The following KCNH6 variants were observed in gnomAD, a reference collection of about 807,000 sequenced individuals.
The protein encoded by KCNH6 is potassium voltage-gated channel subfamily H member 6.
In KCNH6, 81 loss-of-function variants were observed where a neutral mutation model predicts 83.4. The observed-to-expected ratio is 0.97, with a 90% CI of 0.81 to 1.17. The LOEUF (loss-of-function observed/expected upper bound fraction) is 1.17, where lower values mean the gene tolerates loss of function less well. Ranked by LOEUF, KCNH6 falls within the 50% of genes most tolerant of loss-of-function variation. KCNH6 has a pLI of 0.00. For synonymous variants in KCNH6, 503 were observed against 545.6 expected (o/e 0.92, Z 1.09); for missense variants, 1,203 against 1,290.5 (o/e 0.93, Z 1.04).
chr17:63,528,279 G>C (rs1445923439), intron 2 of KCNH6, among the ~76,000 whole-genome samples: 1 of 152,180 alleles, frequency 6.6e-6, no homozygotes, highest in Non-Finnish European at 1.5e-5. Context: ...GGGAGTCTGG[G>C]CCTATAGCAC....
At position 63,535,675 on chromosome 17, in the gene KCNH6, A is replaced by C; in HGVS notation, c.1108A>C (p.Thr370Pro). 6.2e-7 allele frequency: 1 copy of C among 1,602,914 alleles called. No homozygotes were observed. Among genetic ancestry groups the C allele is most frequent in the Non-Finnish European group, 8.5e-7 (1 of 1,172,698 alleles). Residue 370 changes from threonine to proline, a missense_variant, in exon 6 of 13, where the codon ACC becomes CCC. Physicochemically the swap from Thr to Pro is conservative, Grantham distance 38. Coordinates refer to ENST00000314672, the MANE Select transcript of KCNH6 (RefSeq NM_001278919.2). The surrounding 1 kb of genome is among the most constrained non-coding windows in gnomAD (Gnocchi z 4.9). ...CATTTCCCTACCCCTCCAGACCACA[A>C]CCCTGATTGGGCTATTGAAGACAGC... ...IFRTGSDETTTLIGLLKTARL... is the reference protein window; with the variant it reads ...IFRTGSDETTPLIGLLKTARL...
intron 9 of KCNH6, among the ~76,000 whole-genome samples, chr17:63,542,638 G>T (rs1290502348): frequency 6.6e-6 from 1 of 152,202 alleles, no homozygotes; most frequent in Non-Finnish European, 1.5e-5. Flanking sequence ...TAAGGGTGGG[G>T]CTTCTTTTAC....
At chr17:63,543,749 G>GCGCCA in intron 10 of KCNH6, 89 bp downstream of exon 10, 1 of 812,600 alleles carries the variant, frequency 1.2e-6, no homozygotes, top group Non-Finnish European at 2.1e-6. Context: ...TGCCTCCCCA[G>GCGCCA]CGCCACCCCA....
chr17:63,532,955 GC>G (rs1455766655), intron 4 of KCNH6, among the ~76,000 whole-genome samples: 1 of 152,130 alleles, frequency 6.6e-6, no homozygotes, highest in Non-Finnish European at 1.5e-5. Flanking sequence ...ACTACCCATG[GC>G]TTTTGTTGTC....
chr17:63,523,402 C>G lies in KCNH6; in HGVS notation c.-12C>G, dbSNP rs767481183. 9 of 1,587,680 alleles carry G rather than the reference C, an allele frequency of 5.7e-6. No individual in the cohort carries two copies. Among genetic ancestry groups the G allele is most frequent in the Admixed American group, 3.4e-5 (2 of 58,018 alleles). The stretch of plus-strand genomic sequence containing the variant: ...GGCGCCTGTGGCTCCGGGCAGGGGC[C>G]GCGGCCGAAAGATGCCGGTCCGCAG... On this transcript the variant is annotated 5_prime_UTR_variant, in exon 1 of 13. Coordinates refer to ENST00000314672, the MANE Select transcript of KCNH6 (RefSeq NM_001278919.2). The surrounding 1 kb of genome is among the most constrained non-coding windows in gnomAD (Gnocchi z 4.2).
chr17:63,534,969 G>A lies in KCNH6; in HGVS notation c.1101+658G>A, dbSNP rs1568076122. 6.6e-6 allele frequency among the ~76,000 whole-genome samples: 1 copy of A among 152,020 alleles called. No individual in the cohort carries two copies. The highest frequency in any genetic ancestry group is 1.5e-5 in the Non-Finnish European group (1 of 68,000). ...CTTGCTGCCCCCACCTGGACACTGA[G>A]TGGCCTTCGTACTCACTTGTGTCCC... On this transcript the variant is annotated intron_variant, in intron 5 of 12. Transcript: ENST00000314672. This position sits in a 1 kb window ranked among gnomAD's most constrained non-coding sequence, Gnocchi z 5.0.
chr17:63,546,026 C>T lies in KCNH6; in HGVS notation c.*124C>T, dbSNP rs928673827. The T allele has an allele frequency of 2.1e-5, 17 of 803,094 alleles. No homozygotes were observed. Among genetic ancestry groups the T allele is most frequent in the East Asian group, 1.3e-4 (5 of 37,934 alleles). The allele number at this position is 803,094 out of a possible 1,614,324, so 49.7% of individuals were successfully genotyped here. ...CAGCACTTTGGGAGGCCGAGGCGGGCGGATCAGACCATCCTGGCTAACACG... is the reference window on the plus strand; with the variant it reads ...CAGCACTTTGGGAGGCCGAGGCGGGTGGATCAGACCATCCTGGCTAACACG... On this transcript the variant is annotated 3_prime_UTR_variant, in exon 13 of 13. Transcript: ENST00000314672.
In KCNH6 at chr17:63,545,071, C is replaced by T. The variant is rs1436440063; in HGVS notation, c.2397-7C>T. The stretch of plus-strand genomic sequence containing the variant: ...CCTGACCCTGACTGTGGGGTTCTGT[C>T]TGGCAGGCTGGAGTCCCGCGTGTCC... On this transcript the variant is annotated splice_region_variant and splice_polypyrimidine_tract_variant and intron_variant, in intron 11 of 12. Transcript: ENST00000314672. 2 of 1,611,786 alleles carry T rather than the reference C, an allele frequency of 1.2e-6. No individual in the cohort carries two copies. Among genetic ancestry groups the T allele is most frequent in the South Asian group, 2.2e-5 (2 of 91,084 alleles).
At chr17:63,543,442 C>A in intron 9 of KCNH6, 134 bp from the exon 10 acceptor site, 1 of 655,106 alleles carries the variant, frequency 1.5e-6, no homozygotes, top group Non-Finnish European at 2.8e-6. Context: ...TCGTCCAGGG[C>A]ATCGCTGCTG....
rs754953132 is a variant in KCNH6, at chr17:63,533,857, G to GC, written c.676-27dup. The GC allele has an allele frequency of 1.2e-5, 19 of 1,595,520 alleles. 1 individual carries two copies. The Admixed American group carries it at 3.2e-4, about 27-fold the overall frequency. ...GTCTCACCAGCAGTGGCTGCCCCGT[G>GC]CCTGACCTCCCTCGGCCCCCACCCC... is the stretch of plus-strand genomic sequence containing the variant. On this transcript the variant is annotated intron_variant, in intron 4 of 12. Coordinates refer to ENST00000314672, the MANE Select transcript of KCNH6 (RefSeq NM_001278919.2). The surrounding 1 kb of genome is among the most constrained non-coding windows in gnomAD (Gnocchi z 4.1).
intron 2 of KCNH6, among the ~76,000 whole-genome samples, chr17:63,528,515 A>G (rs1597975771): frequency 6.6e-6 from 1 of 152,294 alleles, no homozygotes; most frequent in Middle Eastern, 3.4e-3. Flanking sequence ...CGAAACAAGG[A>G]GTCTGGTGGA....
chr17:63,536,106 C>G (rs375493289), intron 6 of KCNH6, 38 bp downstream of exon 6: 41 of 1,578,692 alleles, frequency 2.6e-5, no homozygotes, highest in Non-Finnish European at 3.4e-5. Flanking sequence ...ACTTCATGCT[C>G]TGGTCTTACC....
At chr17:63,543,487 G>A (rs751431572) in intron 9 of KCNH6, 89 bp from the exon 10 acceptor site, 1 of 809,892 alleles carries the variant, frequency 1.2e-6, no homozygotes, top group South Asian at 1.5e-5. Flanking sequence ...ACCTAGTTGT[G>A]ACAGCACCAT....
Position 63,534,895 on chromosome 17 carries a change from C to G in KCNH6, c.1101+584C>G, listed in dbSNP as rs527332376. Among the ~76,000 whole-genome samples the G allele has an allele frequency of 5.3e-5, 8 of 152,254 alleles. No homozygotes were observed. The East Asian group carries it at 1.5e-3, about 29-fold the overall frequency. On this transcript the variant is annotated intron_variant, in intron 5 of 12. Coordinates refer to ENST00000314672, the MANE Select transcript of KCNH6 (RefSeq NM_001278919.2). The surrounding 1 kb of genome is among the most constrained non-coding windows in gnomAD (Gnocchi z 5.0). Reference sequence around the variant, plus strand: ...GCAGGGGGTGTCCAGCAGGGCTCCTCTGCTCCAAAGCCCCCTAAGACCACC... The same window carrying G: ...GCAGGGGGTGTCCAGCAGGGCTCCTGTGCTCCAAAGCCCCCTAAGACCACC...
chr17:63,524,092 T>A (rs1262759140), intron 1 of KCNH6, 47 bp from the exon 2 acceptor site: 1 of 1,358,738 alleles, frequency 7.4e-7, no homozygotes, highest in South Asian at 1.2e-5. Context: ...TCCCAGCCGC[T>A]GGATCCTGGC....
At chr17:63,548,355 C>T (rs2033187461), downstream of KCNH6, among the ~76,000 whole-genome samples, 1 of 152,094 alleles carries the variant, frequency 6.6e-6, no homozygotes, top group South Asian at 2.1e-4. Context: ...TGAACCCAGC[C>T]TGGGCAACAT....
At chr17:63,528,293 G>A (rs1568066556) in intron 2 of KCNH6, among the ~76,000 whole-genome samples, 2 of 152,202 alleles carry the variant, frequency 1.3e-5, no homozygotes, top group South Asian at 2.1e-4. Context: ...ATAGCACTAT[G>A]TGCCCAGGAG....
chr17:63,531,497 C>G (rs886109824), intron 4 of KCNH6, among the ~76,000 whole-genome samples: 1 of 152,240 alleles, frequency 6.6e-6, no homozygotes, highest in Non-Finnish European at 1.5e-5. Flanking sequence ...CTGGGGCTGT[C>G]CCTGTGTTGG....
At position 63,545,957 on chromosome 17, in the gene KCNH6, G is replaced by C; in HGVS notation, c.*55G>C. Reference sequence around the variant, plus strand: ...TGAAGGTGGGCAAGGTGAGAGTTAAGGATCTTGGGGAGGTGGCCGGGTGCA... The same window carrying C: ...TGAAGGTGGGCAAGGTGAGAGTTAACGATCTTGGGGAGGTGGCCGGGTGCA... On this transcript the variant is annotated 3_prime_UTR_variant, in exon 13 of 13. Transcript: ENST00000314672. The C allele has an allele frequency of 1.3e-6, 2 of 1,556,012 alleles. No individual in the cohort carries two copies. The highest frequency in any genetic ancestry group is 8.8e-7 in the Non-Finnish European group (1 of 1,140,806).
Sources: gnomAD v4.1 joint callset for allele counts (sites outside exome capture counted in the v4.1 genomes callset) on GRCh38, gnomAD v4.1.1 for gene constraint, Gnocchi (gnomAD v3.1) non-coding constraint, MANE v1.5 for transcripts, NCBI Gene and HGNC (gene_info 2026-07-23, HGNC 2026-07-21) for gene names.